Variants in PDIA5 observed in about 807,000 individuals in gnomAD.
PDIA5 encodes the protein protein disulfide isomerase family A member 5, also known as protein disulfide-isomerase A5.
PDIA5 carries 58 observed loss-of-function variants against 77.6 expected under a neutral mutation model. That is an observed-to-expected ratio of 0.75 (90% CI 0.61 to 0.93). The LOEUF is 0.93. Among genes scored for constraint, PDIA5 ranks in the 40% least tolerant of loss-of-function variants. PDIA5 has a pLI of 0.00. For synonymous variants in PDIA5, 250 were observed against 252.1 expected, an observed-to-expected ratio of 0.99 and a Z score of 0.08; for missense variants, 630 against 647.7, an observed-to-expected ratio of 0.97 and a Z score of 0.30.
intron 14 of PDIA5, among the ~76,000 whole-genome samples, chr3:123,152,744 A>G (rs541964233): frequency 4.0e-5 from 6 of 151,834 alleles, no homozygotes; most frequent in South Asian, 2.1e-4. Context: ...TTCTCCCACC[A>G]TGTCTGCCCC....
At chr3:123,104,332 A>G (rs372679816) in intron 5 of PDIA5, among the ~76,000 whole-genome samples, 8 of 152,296 alleles carry the variant, frequency 5.3e-5, no homozygotes, top group Admixed American at 3.9e-4. Flanking sequence ...GGGACAGGAC[A>G]GTTCCCTGAC....
At chr3:123,072,922 G>A (rs1933762432) in intron 1 of PDIA5, among the ~76,000 whole-genome samples, 1 of 151,836 alleles carries the variant, frequency 6.6e-6, no homozygotes, top group Non-Finnish European at 1.5e-5. Context: ...CTGTGTGTGT[G>A]TGTGTGTGTG....
At chr3:123,119,755 C>A (rs1353647670) in intron 8 of PDIA5, among the ~76,000 whole-genome samples, 3 of 152,240 alleles carry the variant, frequency 2.0e-5, no homozygotes, top group Admixed American at 1.3e-4. Context: ...AGTTCACCCC[C>A]TCCTCGCTGC....
In PDIA5 at chr3:123,124,155, T is replaced by C; in HGVS notation, c.699T>C (p.Phe233=). 6.2e-7 allele frequency: 1 copy of C among 1,612,490 alleles called. No individual in the cohort carries two copies. The highest frequency in any genetic ancestry group is 8.5e-7 in the Non-Finnish European group (1 of 1,178,454). Residue 233 remains phenylalanine (F), a splice_region_variant and synonymous_variant, in exon 9 of 17, where the codon TTT becomes TTC. Transcript: ENST00000316218. The part of the protein sequence containing the change: ...SVRGFPTICY[F]EKGRFLFQYD... ...GCGGCTTCCCCACCATCTGCTATTTTGAGTACGTCCCCCACTTTCCTTCTA... is the reference window on the plus strand; with the variant it reads ...GCGGCTTCCCCACCATCTGCTATTTCGAGTACGTCCCCCACTTTCCTTCTA...
At chr3:123,130,027 T>C (rs1383475171) in intron 10 of PDIA5, among the ~76,000 whole-genome samples, 1 of 152,112 alleles carries the variant, frequency 6.6e-6, no homozygotes, top group Non-Finnish European at 1.5e-5. Flanking sequence ...CACCCCCTCC[T>C]CTCTGTACCC....
chr3:123,138,843 C>T lies in PDIA5; in HGVS notation c.911-6679C>T, dbSNP rs575075745. On this transcript the variant is annotated intron_variant, in intron 11 of 16. Coordinates refer to ENST00000316218, the MANE Select transcript of PDIA5 (RefSeq NM_006810.4). ...AATTCCAAGCAAGGCAGGAACCAGG[C>T]TCTTCTAGAGGCCCAAGTACTACCC... Among the ~76,000 whole-genome samples the T allele has an allele frequency of 3.9e-5, 6 of 152,322 alleles. No individual in the cohort carries two copies. The East Asian group carries it at 1.2e-3, about 29-fold the overall frequency.
intron 8 of PDIA5, among the ~76,000 whole-genome samples, chr3:123,117,341 T>A (rs1287770674): frequency 7.0e-6 from 1 of 143,146 alleles, no homozygotes; most frequent in African/African-American, 2.6e-5. Flanking sequence ...CTGACCTTGA[T>A]AAACTGCCTT....
intron 7 of PDIA5, among the ~76,000 whole-genome samples, chr3:123,113,361 T>A (rs1397076899): frequency 6.6e-6 from 1 of 152,202 alleles, no homozygotes; most frequent in Non-Finnish European, 1.5e-5. Flanking sequence ...GCACCCAGGC[T>A]GTGTGGCAGT....
chr3:123,075,716 G>A lies in PDIA5; in HGVS notation c.42+8510G>A, dbSNP rs139567815. 1.0e-3 allele frequency among the ~76,000 whole-genome samples: 155 copies of A among 152,260 alleles called. 4 individuals carry two copies. In the East Asian group the frequency reaches 0.025, roughly 24 times the overall value. On this transcript the variant is annotated intron_variant, in intron 1 of 16. Transcript: ENST00000316218. Reference sequence around the variant, plus strand: ...GAGAGTTTTTAAAAGATGGGTCAGTGATGGAGTTTCTTCACCTTAAGGAGA... The same window carrying A: ...GAGAGTTTTTAAAAGATGGGTCAGTAATGGAGTTTCTTCACCTTAAGGAGA...
intron 13 of PDIA5, 24 bp from the exon 14 acceptor site, chr3:123,150,209 TC>T: frequency 2.5e-6 from 4 of 1,585,188 alleles, no homozygotes; most frequent in East Asian, 2.2e-5. Context: ...TATGGCTGCC[TC>T]CCCACTCCCC....
chr3:123,160,345 GA>G, intron 15 of PDIA5, among the ~76,000 whole-genome samples: 1 of 152,318 alleles, frequency 6.6e-6, no homozygotes, highest in South Asian at 2.1e-4. Flanking sequence ...AAATGATGAG[GA>G]AAAGCTACCC....
chr3:123,124,310 C>T lies in PDIA5; in HGVS notation c.740C>T (p.Ser247Phe). Residue 247 changes from serine to phenylalanine, a missense_variant, in exon 10 of 17, where the codon TCC becomes TTC. Physicochemically the swap from Ser to Phe is radical, Grantham distance 155. Transcript: ENST00000316218. ...TTGTTCCAGTATGACAACTATGGGT[C>T]CACAGCTGAGGACATTGTGGAGTGG... ...RFLFQYDNYG[S>F]TAEDIVEWLK... is the part of the protein sequence containing the mutation. The T allele has an allele frequency of 2.5e-6, 4 of 1,613,694 alleles. No homozygotes were observed. Among genetic ancestry groups the T allele is most frequent in the Non-Finnish European group, 3.4e-6 (4 of 1,179,614 alleles).
chr3:123,152,861 G>A (rs1450553469), intron 14 of PDIA5, among the ~76,000 whole-genome samples: 2 of 152,134 alleles, frequency 1.3e-5, no homozygotes, highest in Non-Finnish European at 2.9e-5. Context: ...AGGCCAGCTT[G>A]GCGGAGTCTC....
intron 11 of PDIA5, among the ~76,000 whole-genome samples, chr3:123,131,397 G>A (rs1026639053): frequency 1.3e-5 from 2 of 151,716 alleles, no homozygotes; most frequent in South Asian, 4.2e-4. Context: ...TCCCTCCTGG[G>A]CAGCAGAGCG....
chr3:123,093,419 C>G (rs1418150909), intron 3 of PDIA5, among the ~76,000 whole-genome samples: 3 of 152,132 alleles, frequency 2.0e-5, no homozygotes, highest in African/African-American at 7.2e-5. Context: ...CAGCTGTGCT[C>G]TGTGTGACTG....
At chr3:123,080,898 C>G (rs1012947152) in intron 1 of PDIA5, among the ~76,000 whole-genome samples, 1 of 152,158 alleles carries the variant, frequency 6.6e-6, no homozygotes, top group African/African-American at 2.4e-5. Context: ...ATCTTATTAG[C>G]TCCTCTTTAG....
chr3:123,102,856 G>C, intron 5 of PDIA5, 60 bp downstream of exon 5: 1 of 1,136,320 alleles, frequency 8.8e-7, no homozygotes, highest in Non-Finnish European at 1.3e-6. Context: ...CCAAAGTCTG[G>C]CAGGTTTTCT....
chr3:123,092,105 G>A (rs1285235032), intron 2 of PDIA5, among the ~76,000 whole-genome samples: 1 of 152,184 alleles, frequency 6.6e-6, no homozygotes, highest in East Asian at 1.9e-4. Flanking sequence ...GGGTGACTTG[G>A]GGGTTCTGTG....
At chr3:123,142,422 A>G (rs1221483640) in intron 11 of PDIA5, among the ~76,000 whole-genome samples, 7 of 152,278 alleles carry the variant, frequency 4.6e-5, no homozygotes, top group Non-Finnish European at 7.3e-5. Context: ...TAGGTAACAC[A>G]TGGCTCATGA....
Sources: allele counts gnomAD v4.1 joint callset (sites outside exome capture counted in the v4.1 genomes callset), GRCh38; gene constraint gnomAD v4.1.1; transcripts MANE v1.5; gene names NCBI Gene and HGNC (gene_info 2026-07-23, HGNC 2026-07-21).